The following BRK1 variants were observed in gnomAD, a reference collection of about 807,000 sequenced individuals.
BRK1 encodes the protein BRICK1 subunit of SCAR/WAVE actin nucleating complex.
In BRK1, 6 loss-of-function variants were observed where a neutral mutation model predicts 9.9. That is an observed-to-expected ratio of 0.60 (90% CI 0.33 to 1.19). The LOEUF (loss-of-function observed/expected upper bound fraction) is 1.19, where lower values mean the gene tolerates loss of function less well. BRK1 is among the 50% of genes most tolerant of loss of function. The probability of loss-of-function intolerance (pLI) is 0.04; values close to 1 mark genes in which losing one functional copy is unlikely to be tolerated. For missense variants in BRK1, 62 were observed against 97.5 expected, an observed-to-expected ratio of 0.64 and a Z score of 1.53; for synonymous variants, 44 against 31.9, an observed-to-expected ratio of 1.38 and a Z score of -1.28.
intron 1 of BRK1, among the ~76,000 whole-genome samples, chr3:10,121,801 C>T (rs1014830992): frequency 3.4e-5 from 5 of 148,948 alleles, no homozygotes; most frequent in East Asian, 2.0e-4. Flanking sequence ...GGTGCAATCT[C>T]GGCTCACTGC....
intron 1 of BRK1, among the ~76,000 whole-genome samples, chr3:10,117,455 G>A (rs560015440): frequency 2.7e-5 from 4 of 145,668 alleles, no homozygotes; most frequent in Admixed American, 1.4e-4. Context: ...GTGCAGTGGC[G>A]TGATCTCAGC....
At chr3:10,119,413 G>A (rs138301011) in intron 1 of BRK1, among the ~76,000 whole-genome samples, 367 of 152,174 alleles carry the variant, frequency 2.4e-3, no homozygotes, top group Non-Finnish European at 3.7e-3. Flanking sequence ...AGCCAAGATC[G>A]TGCCACTGTA....
chr3:10,124,120 G>A (rs1695803190), intron 1 of BRK1, among the ~76,000 whole-genome samples: 1 of 151,976 alleles, frequency 6.6e-6, no homozygotes, highest in African/African-American at 2.4e-5. Flanking sequence ...GTAAATGGCT[G>A]TACAGCCTTG....
At chr3:10,125,499 T>G (rs567695500) in intron 1 of BRK1, 127 bp from the exon 2 acceptor site, 1 of 624,324 alleles carries the variant, frequency 1.6e-6, no homozygotes, top group East Asian at 2.9e-5. Context: ...TATGAGTGGA[T>G]CTTAGCACTG....
chr3:10,115,787 T>G lies in BRK1; in HGVS notation c.86T>G (p.Ile29Ser). The change falls in exon 1 of 3, where the codon ATC becomes AGC. Residue 29 changes from isoleucine to serine, a missense_variant. Coordinates refer to ENST00000530758, the MANE Select transcript of BRK1 (RefSeq NM_018462.5). Reference protein sequence around the residue: ...REYIEIITSSIKKIADFLNSF... With the variant: ...REYIEIITSSSKKIADFLNSF... ...TACATTGAGATAATCACCAGCAGCA[T>G]CAAGAAAATCGCAGACTTTCTCAAC... The G allele has an allele frequency of 6.2e-7, 1 of 1,612,824 alleles. No homozygotes were observed. Among genetic ancestry groups the G allele is most frequent in the Non-Finnish European group, 8.5e-7 (1 of 1,179,270 alleles).
chr3:10,119,286 A>G (rs1354655106), intron 1 of BRK1, among the ~76,000 whole-genome samples: 1 of 152,036 alleles, frequency 6.6e-6, no homozygotes, highest in Non-Finnish European at 1.5e-5. Context: ...GCGAAACCCC[A>G]TCTCTATAAA....
rs374159838 is a variant in BRK1 at position 10,125,867 on chromosome 3, G to A, written c.201+159G>A. 7.2e-5 allele frequency among the ~76,000 whole-genome samples: 11 copies of A among 152,214 alleles called. 1 individual carries two copies. The East Asian group carries it at 9.6e-4, about 13-fold the overall frequency. On this transcript the variant is annotated intron_variant, in intron 2 of 2. Transcript: ENST00000530758. ...GCACTTTGGGAGGCCAAGACAGGTG[G>A]ATCACTTGAGGTCAGGAGTTCGAGT...
chr3:10,119,355 G>A (rs1695727913), intron 1 of BRK1, among the ~76,000 whole-genome samples: 1 of 152,098 alleles, frequency 6.6e-6, no homozygotes, highest in Non-Finnish European at 1.5e-5. Context: ...CTACCTGGGA[G>A]GCTGAGGCAT....
intron 1 of BRK1, 91 bp downstream of exon 1, chr3:10,115,910 G>A (rs948912481): frequency 8.2e-6 from 8 of 980,410 alleles, no homozygotes; most frequent in Non-Finnish European, 1.1e-5. Flanking sequence ...GAGGACTCCC[G>A]CAGCCTTCGG....
rs1325691702 is a variant in BRK1, at chr3:10,126,410, T to C, written c.*115T>C. 3 of 977,356 alleles carry C rather than the reference T, an allele frequency of 3.1e-6. No individual in the cohort carries two copies. The highest frequency in any genetic ancestry group is 4.6e-6 in the Non-Finnish European group (3 of 652,508). 60.5% of individuals were successfully genotyped at this position (977,356 alleles called of 1,614,324 possible). A position where few individuals can be genotyped will look rare whatever the true frequency, so the allele number is the denominator to read the frequency against. ...CTTAAAGAGCAACAGGGCTTATTCT[T>C]GTTTTTCTTTTTTCAAAAGTGTGGC... On this transcript the variant is annotated 3_prime_UTR_variant, in exon 3 of 3. Transcript: ENST00000530758.
chr3:10,127,164 C>T lies in BRK1; in HGVS notation c.*869C>T. 1 of 152,172 alleles carries T rather than the reference C, an allele frequency of 6.6e-6. No individual in the cohort carries two copies. The highest frequency in any genetic ancestry group is 1.9e-4 in the East Asian group (1 of 5,198). 9.4% of individuals were successfully genotyped at this position (152,172 alleles called of 1,614,324 possible). A position where few individuals can be genotyped will look rare whatever the true frequency, so the allele number is the denominator to read the frequency against. ...TTTACTATGTAGGCATGTTAAACTC[C>T]AATAAAACATACAGCATTGAATCAG... On this transcript the variant is annotated 3_prime_UTR_variant, in exon 3 of 3. Transcript: ENST00000530758.
chr3:10,118,203 G>C (rs1269833091), intron 1 of BRK1, among the ~76,000 whole-genome samples: 1 of 150,426 alleles, frequency 6.6e-6, no homozygotes, highest in Non-Finnish European at 1.5e-5. Context: ...CAGTGAGCAG[G>C]GATCGTGCCA....
chr3:10,121,832 C>T (rs555723886), intron 1 of BRK1, among the ~76,000 whole-genome samples: 36 of 149,556 alleles, frequency 2.4e-4, no homozygotes, highest in African/African-American at 8.1e-4. Flanking sequence ...CCACCCACCT[C>T]GGCTTCCCAA....
Position 10,123,662 on chromosome 3 carries a change from C to G in BRK1, c.119-1964C>G, listed in dbSNP as rs697974. On this transcript the variant is annotated intron_variant, in intron 1 of 2. Coordinates refer to ENST00000530758, the MANE Select transcript of BRK1 (RefSeq NM_018462.5). ...TGTTAGCCAGGATGGTCTCCATCTC[C>G]TGACCTCGTGATCCACTGCCTTGGC... 3.7e-5 allele frequency among the ~76,000 whole-genome samples: 5 copies of G among 135,496 alleles called. No homozygotes were observed. The Admixed American group carries it at 3.8e-4, about 10-fold the overall frequency. The allele number at this position is 135,496 out of a possible 152,430, so 88.9% of individuals were successfully genotyped here. A position where few individuals can be genotyped will look rare whatever the true frequency, so the allele number is the denominator to read the frequency against.
At chr3:10,124,754 C>T (rs1270773910) in intron 1 of BRK1, among the ~76,000 whole-genome samples, 2 of 152,078 alleles carry the variant, frequency 1.3e-5, no homozygotes, top group South Asian at 2.1e-4. Context: ...TTCAGTTTCT[C>T]GTGGTTGTAG....
intron 1 of BRK1, among the ~76,000 whole-genome samples, chr3:10,123,559 C>A (rs1402720626): frequency 2.7e-5 from 4 of 150,020 alleles, no homozygotes; most frequent in African/African-American, 9.9e-5. Flanking sequence ...CTCAGCCTCC[C>A]GAATAGCTGG....
At chr3:10,123,722 C>A (rs1248861837) in intron 1 of BRK1, among the ~76,000 whole-genome samples, 2 of 118,946 alleles carry the variant, frequency 1.7e-5, no homozygotes, top group Non-Finnish European at 3.2e-5. Context: ...CCTGAGCCAC[C>A]GTGCCTGGCC....
chr3:10,120,857 TC>T (rs1695746854), intron 1 of BRK1, among the ~76,000 whole-genome samples: 1 of 152,182 alleles, frequency 6.6e-6, no homozygotes, highest in Non-Finnish European at 1.5e-5. Flanking sequence ...GAAGGAAACT[TC>T]CCTCTCTCCT....
At chr3:10,122,201 G>A (rs1695766823) in intron 1 of BRK1, among the ~76,000 whole-genome samples, 1 of 151,992 alleles carries the variant, frequency 6.6e-6, no homozygotes. Flanking sequence ...GGAATTACAG[G>A]CATGAGCCAC....
Sources: gnomAD v4.1 joint callset for allele counts (sites outside exome capture counted in the v4.1 genomes callset) on GRCh38, gnomAD v4.1.1 for gene constraint, MANE v1.5 for transcripts, NCBI Gene and HGNC (gene_info 2026-07-23, HGNC 2026-07-21) for gene names.